INPP5A: variants seen among roughly 807,000 people sequenced by gnomAD.
The protein encoded by INPP5A is 43 kDa inositol polyphosphate 5-phophatase.
INPP5A carries 14 observed loss-of-function variants against 65.2 expected under a neutral mutation model. That is an observed-to-expected ratio of 0.21 (90% confidence interval 0.14 to 0.34). INPP5A has a LOEUF of 0.34. INPP5A is among the 10% of genes least tolerant of loss of function. INPP5A has a pLI of 1.00. For missense variants in INPP5A, 431 were observed against 545.6 expected, an observed-to-expected ratio of 0.79 and a Z score of 2.09; for synonymous variants, 207 against 208.3, an observed-to-expected ratio of 0.99 and a Z score of 0.05.
At chr10:132,776,835 G>A (rs1193464480) in intron 12 of INPP5A, among the ~76,000 whole-genome samples, 1 of 152,160 alleles carries the variant, frequency 6.6e-6, no homozygotes, top group Non-Finnish European at 1.5e-5. Flanking sequence ...TGGGGGCCAT[G>A]GCCATGAGGC....
Position 132,547,157 on chromosome 10 carries a change from C to T in INPP5A, c.75+8986C>T, listed in dbSNP as rs551511967. 3.3e-5 allele frequency among the ~76,000 whole-genome samples: 5 copies of T among 152,386 alleles called. No homozygotes were observed. The highest frequency in any genetic ancestry group is 6.5e-5 in the Admixed American group (1 of 15,312). ...ATGCGGGGCAGGCCCCACCTCTCCTCGCATGTGCGGCCTTGGGCTGTGTTT... is the reference window on the plus strand; with the variant it reads ...ATGCGGGGCAGGCCCCACCTCTCCTTGCATGTGCGGCCTTGGGCTGTGTTT... On this transcript the variant is annotated intron_variant, in intron 1 of 15. Coordinates refer to ENST00000368594, the MANE Select transcript of INPP5A (RefSeq NM_005539.5). This position sits in a 1 kb window ranked among gnomAD's most constrained non-coding sequence, Gnocchi z 5.5.
At chr10:132,717,887 G>A (rs55675193) in intron 8 of INPP5A, among the ~76,000 whole-genome samples, 80 of 132,380 alleles carry the variant, frequency 6.0e-4, no homozygotes, top group African/African-American at 2.2e-3. Flanking sequence ...CGCCTTAGAC[G>A]GCTGTCTTCA....
chr10:132,771,458 A>C (rs1846946042), intron 12 of INPP5A, among the ~76,000 whole-genome samples: 2 of 152,246 alleles, frequency 1.3e-5, no homozygotes. Context: ...GTGCAATGCC[A>C]GCTCCATGAA....
intron 11 of INPP5A, among the ~76,000 whole-genome samples, chr10:132,755,297 G>A (rs1342288815): frequency 3.4e-5 from 5 of 149,134 alleles, no homozygotes; most frequent in South Asian, 2.2e-4. Flanking sequence ...GTGTGTGAGC[G>A]TGTATGCATA....
intron 1 of INPP5A, among the ~76,000 whole-genome samples, chr10:132,604,730 G>C (rs2071824044): frequency 1.3e-5 from 2 of 152,240 alleles, no homozygotes; most frequent in Non-Finnish European, 2.9e-5. Context: ...AAAACGCTGG[G>C]ATTAGGGGTC....
At chr10:132,771,598 G>A (rs1353517245) in intron 12 of INPP5A, among the ~76,000 whole-genome samples, 1 of 149,564 alleles carries the variant, frequency 6.7e-6, no homozygotes, top group African/African-American at 2.4e-5. Flanking sequence ...AGTATCCCCA[G>A]TGCCCATGAA....
intron 8 of INPP5A, among the ~76,000 whole-genome samples, chr10:132,717,861 C>G (rs1466934064): frequency 2.1e-5 from 3 of 140,058 alleles, no homozygotes; most frequent in African/African-American, 2.9e-5. Flanking sequence ...TCTGTGGTAC[C>G]TGGGTTCTGT....
At chr10:132,761,577 A>G (rs983212920) in intron 11 of INPP5A, among the ~76,000 whole-genome samples, 8 of 151,352 alleles carry the variant, frequency 5.3e-5, no homozygotes, top group Non-Finnish European at 1.2e-4. Flanking sequence ...GGGGGACAGC[A>G]CGGTGGGGCG....
chr10:132,701,470 A>G (rs1845436386), intron 6 of INPP5A, among the ~76,000 whole-genome samples: 1 of 151,970 alleles, frequency 6.6e-6, no homozygotes, highest in Admixed American at 6.5e-5. Flanking sequence ...AGCCCTGGCC[A>G]TACACCCTCT....
rs1316357230 is a variant in INPP5A, at chr10:132,698,397, G to A, written c.474+478G>A. Among the ~76,000 whole-genome samples the A allele has an allele frequency of 6.6e-6, 1 of 152,242 alleles. No individual in the cohort carries two copies. Among genetic ancestry groups the A allele is most frequent in the African/African-American group, 2.4e-5 (1 of 41,458 alleles). ...CGAGCAGCAGGGTCCCGGCAGTTAT[G>A]CCTGCGTCACACGGAGAGATTAGAA... On this transcript the variant is annotated intron_variant, in intron 6 of 15. Coordinates refer to ENST00000368594, the MANE Select transcript of INPP5A (RefSeq NM_005539.5). This position sits in a 1 kb window ranked among gnomAD's most constrained non-coding sequence, Gnocchi z 5.5.
chr10:132,552,139 G>A (rs1178712406), intron 1 of INPP5A, among the ~76,000 whole-genome samples: 1 of 151,690 alleles, frequency 6.6e-6, no homozygotes, highest in Non-Finnish European at 1.5e-5. Flanking sequence ...CCTTCTCAGA[G>A]CCTTGGTGGC....
chr10:132,725,405 C>T (rs1210637517), intron 8 of INPP5A, among the ~76,000 whole-genome samples: 12 of 152,240 alleles, frequency 7.9e-5, no homozygotes, highest in African/African-American at 2.4e-5. Context: ...GGCCACTTGG[C>T]TCTCCAACCC....
At chr10:132,578,352 C>G (rs1041662127) in intron 1 of INPP5A, among the ~76,000 whole-genome samples, 9 of 152,164 alleles carry the variant, frequency 5.9e-5, no homozygotes, top group African/African-American at 2.2e-4. Flanking sequence ...TATCAAAGAC[C>G]CTGGTTCTCT....
rs2133251932 is a variant in INPP5A, at chr10:132,549,606, G to T, written c.75+11435G>T. Among the ~76,000 whole-genome samples the T allele has an allele frequency of 6.6e-6, 1 of 152,358 alleles. No individual in the cohort carries two copies. Among genetic ancestry groups the T allele is most frequent in the African/African-American group, 2.4e-5 (1 of 41,578 alleles). On this transcript the variant is annotated intron_variant, in intron 1 of 15. Coordinates refer to ENST00000368594, the MANE Select transcript of INPP5A (RefSeq NM_005539.5). This position sits in a 1 kb window ranked among gnomAD's most constrained non-coding sequence, Gnocchi z 4.9. The stretch of plus-strand genomic sequence containing the variant: ...CTGCTACGAGGCTCCCGCTTGCCTG[G>T]CAGGTGGCAGGTGTGATGAGCATGG...
chr10:132,588,767 G>C (rs965536528), intron 1 of INPP5A, among the ~76,000 whole-genome samples: 1 of 152,252 alleles, frequency 6.6e-6, no homozygotes, highest in Non-Finnish European at 1.5e-5. Context: ...ACCATCGGTG[G>C]TTGCCGTTTC....
At chr10:132,582,621 A>G (rs1451987082) in intron 1 of INPP5A, among the ~76,000 whole-genome samples, 1 of 152,094 alleles carries the variant, frequency 6.6e-6, no homozygotes, top group Non-Finnish European at 1.5e-5. Flanking sequence ...GGGTCTCACT[A>G]TCTTGCCCAG....
At chr10:132,645,732 A>G (rs2072484683) in intron 2 of INPP5A, 136 bp from the exon 3 acceptor site, 4 of 612,334 alleles carry the variant, frequency 6.5e-6, no homozygotes, top group South Asian at 1.9e-5. Flanking sequence ...TCCAGAACCC[A>G]TGGTCGCAGA....
chr10:132,690,320 T>G (rs1845237136), intron 4 of INPP5A, 72 bp from the exon 5 acceptor site: 1 of 1,019,522 alleles, frequency 9.8e-7, no homozygotes. Flanking sequence ...GAGCTTCTTT[T>G]ATTGTTAAAA....
chr10:132,679,485 G>A (rs1229929788), intron 4 of INPP5A, among the ~76,000 whole-genome samples: 1 of 152,108 alleles, frequency 6.6e-6, no homozygotes, highest in African/African-American at 2.4e-5. Context: ...CCAGCGGGAG[G>A]AGGAGGTGGA....
Sources: gnomAD v4.1 joint callset for allele counts (sites outside exome capture counted in the v4.1 genomes callset) on GRCh38, gnomAD v4.1.1 for gene constraint, Gnocchi (gnomAD v3.1) non-coding constraint, MANE v1.5 for transcripts, NCBI Gene and HGNC (gene_info 2026-07-23, HGNC 2026-07-21) for gene names.